The following OR2L13 variants were observed in gnomAD, a reference collection of about 807,000 sequenced individuals.
OR2L13 encodes olfactory receptor family 2 subfamily L member 13.
OR2L13 carries 14 observed loss-of-function variants against 15.3 expected under a neutral mutation model. The observed-to-expected ratio is 0.91, with a 90% CI of 0.60 to 1.43. OR2L13 has a LOEUF of 1.43. Ranked by LOEUF, OR2L13 falls within the 40% of genes most tolerant of loss-of-function variation. The pLI, the probability that OR2L13 is intolerant of heterozygous loss-of-function variation, is 0.00. For synonymous variants in OR2L13, 152 were observed against 142.9 expected (o/e 1.06, Z -0.45); for missense variants, 367 against 387.9 (o/e 0.95, Z 0.45).
At chr1:247,972,233 T>A in the OR2L13 span, among the ~76,000 whole-genome samples, 2 of 152,016 alleles carry the variant, frequency 1.3e-5, no homozygotes, top group Non-Finnish European at 2.9e-5. Context: ...AGCAAACAAA[T>A]TCAAATGACT....
upstream of OR2L13, among the ~76,000 whole-genome samples, chr1:248,092,899 G>A (rs143454300): frequency 4.3e-4 from 65 of 152,238 alleles, no homozygotes; most frequent in East Asian, 0.012. Context: ...GAGTATGATT[G>A]AATCTTTGAC....
At chr1:247,976,482 T>C in the OR2L13 span, among the ~76,000 whole-genome samples, 4 of 152,210 alleles carry the variant, frequency 2.6e-5, no homozygotes, top group African/African-American at 4.8e-5. Flanking sequence ...GAAAATTTGC[T>C]AAGAGAATGG....
the OR2L13 span, chr1:248,003,170 C>T: frequency 0.085 from 120,963 of 1,429,502 alleles, 11,904 homozygotes; most frequent in African/African-American, 0.49. Context: ...TTTCATCTTA[C>T]TGGGGCTGTT....
At chr1:248,085,189 C>A in the OR2L13 span, among the ~76,000 whole-genome samples, 9 of 151,760 alleles carry the variant, frequency 5.9e-5, no homozygotes, top group African/African-American at 9.7e-5. Context: ...CCCACTGACT[C>A]CTTGACTGCA....
At chr1:247,939,853 A>T in the OR2L13 span, among the ~76,000 whole-genome samples, 1 of 152,116 alleles carries the variant, frequency 6.6e-6, no homozygotes, top group Non-Finnish European at 1.5e-5. Context: ...CACTCAACAC[A>T]CTCTAGAAAG....
chr1:248,095,929 T>C (rs1175254821), upstream of OR2L13, among the ~76,000 whole-genome samples: 1 of 151,684 alleles, frequency 6.6e-6, no homozygotes, highest in African/African-American at 2.4e-5. Flanking sequence ...TATACCACTA[T>C]ATAAACTGAA....
the OR2L13 span, chr1:248,003,175 G>T: frequency 2.1e-6 from 3 of 1,446,576 alleles, no homozygotes; most frequent in Non-Finnish European, 2.9e-6. Context: ...TCTTACTGGG[G>T]CTGTTCCCAC....
At chr1:248,019,794 T>A in the OR2L13 span, among the ~76,000 whole-genome samples, 2 of 151,934 alleles carry the variant, frequency 1.3e-5, no homozygotes, top group Non-Finnish European at 2.9e-5. Flanking sequence ...TCTTTCTTCT[T>A]CTTCTTGTTT....
the OR2L13 span, among the ~76,000 whole-genome samples, chr1:248,029,710 T>C: frequency 1.5e-4 from 23 of 152,316 alleles, no homozygotes; most frequent in Non-Finnish European, 1.9e-4. Context: ...CCAATATAAA[T>C]TGAACTCAGA....
At chr1:247,984,242 A>C in the OR2L13 span, among the ~76,000 whole-genome samples, 3 of 150,902 alleles carry the variant, frequency 2.0e-5, no homozygotes, top group South Asian at 6.3e-4. Context: ...TATTATTATT[A>C]TTATTATTAT....
chr1:248,025,751 A>T, the OR2L13 span, among the ~76,000 whole-genome samples: 6,248 of 151,406 alleles, frequency 0.041, 431 homozygotes, highest in African/African-American at 0.14. Context: ...CATATACACC[A>T]TGGAATACTA....
At chr1:247,975,052 G>T in the OR2L13 span, 2 of 317,348 alleles carry the variant, frequency 6.3e-6, no homozygotes, top group South Asian at 7.2e-5. Flanking sequence ...TCTTCTTTGT[G>T]ACTTTAGCAG....
At chr1:248,064,081 G>C in the OR2L13 span, among the ~76,000 whole-genome samples, 1 of 152,218 alleles carries the variant, frequency 6.6e-6, no homozygotes, top group Admixed American at 6.5e-5. Flanking sequence ...AGAGTGAGCA[G>C]GAAGTGAATG....
At chr1:248,041,206 A>G in the OR2L13 span, 1 of 152,200 alleles carries the variant, frequency 6.6e-6, no homozygotes, top group Non-Finnish European at 1.5e-5. Context: ...ATAACGCCGC[A>G]TATCTACAAC....
the OR2L13 span, among the ~76,000 whole-genome samples, chr1:248,058,637 G>T: frequency 0.017 from 2,534 of 151,954 alleles, 81 homozygotes; most frequent in African/African-American, 0.057. Context: ...CGAGGAAATA[G>T]AATTTTTATA....
At chr1:248,085,400 T>TAATAA in the OR2L13 span, among the ~76,000 whole-genome samples, 23 of 6,168 alleles carry the variant, frequency 3.7e-3, no homozygotes, top group East Asian at 0.051. Flanking sequence ...TCAAATAAAA[T>TAATAA]AATAAAATAA....
chr1:247,953,755 G>A, the OR2L13 span, among the ~76,000 whole-genome samples: 1 of 152,028 alleles, frequency 6.6e-6, no homozygotes, highest in African/African-American at 2.4e-5. Context: ...TACTCTTTCG[G>A]TACCCTCCCT....
the OR2L13 span, chr1:248,061,350 T>A: frequency 6.2e-7 from 1 of 1,614,004 alleles, no homozygotes; most frequent in Non-Finnish European, 8.5e-7. Flanking sequence ...TTCTCCTTGC[T>A]GTCTACCACA....
chr1:248,091,264 C>T (rs1411070619), upstream of OR2L13, among the ~76,000 whole-genome samples: 5 of 151,864 alleles, frequency 3.3e-5, no homozygotes, highest in African/African-American at 4.9e-5. Flanking sequence ...GTTTATTTTG[C>T]TATGCAAGAG....
Sources: gnomAD v4.1 joint callset for allele counts (sites outside exome capture counted in the v4.1 genomes callset) on GRCh38, gnomAD v4.1.1 for gene constraint, MANE v1.5 for transcripts, NCBI Gene and HGNC (gene_info 2026-07-23, HGNC 2026-07-21) for gene names.